The following SGCD variants were observed in gnomAD, a reference collection of about 807,000 sequenced individuals.
SGCD encodes the protein delta-sarcoglycan.
SGCD carries 18 observed loss-of-function variants against 36.6 expected under a neutral mutation model. The observed-to-expected ratio is 0.49, with a 90% CI of 0.34 to 0.73. SGCD has a LOEUF of 0.73. Ranked by LOEUF, SGCD falls within the 30% of genes least tolerant of loss-of-function variation. The pLI is 0.01. For synonymous variants in SGCD, 133 were observed against 130.6 expected (o/e 1.02, Z -0.12); for missense variants, 387 against 346.7 (o/e 1.12, Z -0.92).
At chr5:156,493,916 C>T (rs753808139) in intron 3 of SGCD, among the ~76,000 whole-genome samples, 10 of 152,150 alleles carry the variant, frequency 6.6e-5, no homozygotes, top group Non-Finnish European at 1.0e-4. Context: ...CTGCCTCTCA[C>T]GGCCTTCATC....
At chr5:156,671,881 T>A (rs762689446) in intron 7 of SGCD, among the ~76,000 whole-genome samples, 1 of 152,068 alleles carries the variant, frequency 6.6e-6, no homozygotes, top group Non-Finnish European at 1.5e-5. Flanking sequence ...AGCCAGCATG[T>A]CACATGGCAA....
At chr5:156,592,464 A>G (rs941462962) in intron 5 of SGCD, among the ~76,000 whole-genome samples, 2 of 152,158 alleles carry the variant, frequency 1.3e-5, no homozygotes, top group African/African-American at 4.8e-5. Flanking sequence ...CAAATCCCTC[A>G]TTGGACATCT....
At chr5:155,741,833 C>A in the SGCD span, among the ~76,000 whole-genome samples, 1 of 151,962 alleles carries the variant, frequency 6.6e-6, no homozygotes. Context: ...GCTGGGACTA[C>A]AGATGTGTGC....
the SGCD span, among the ~76,000 whole-genome samples, chr5:155,823,634 A>G: frequency 2.0e-5 from 3 of 152,172 alleles, no homozygotes; most frequent in East Asian, 1.9e-4. Flanking sequence ...CACAATGTGC[A>G]TTAGCATAGG....
chr5:156,103,855 A>C (rs1040022310), intron 1 of SGCD, among the ~76,000 whole-genome samples: 6 of 152,158 alleles, frequency 3.9e-5, no homozygotes, highest in African/African-American at 1.4e-4. Context: ...GTATAATTTA[A>C]ATCTCTCTTA....
chr5:156,176,837 C>T (rs1187459441), intron 3 of SGCD, among the ~76,000 whole-genome samples: 2 of 151,882 alleles, frequency 1.3e-5, no homozygotes, highest in Admixed American at 6.6e-5. Context: ...TTTTCTTTAT[C>T]TGCCTTCAGT....
intron 6 of SGCD, among the ~76,000 whole-genome samples, chr5:156,610,796 G>C (rs1202255878): frequency 6.6e-6 from 1 of 152,238 alleles, no homozygotes; most frequent in Non-Finnish European, 1.5e-5. Flanking sequence ...TCAGACTCCT[G>C]TGCTGGCAGT....
intron 1 of SGCD, among the ~76,000 whole-genome samples, chr5:156,010,093 G>C (rs1274496517): frequency 1.3e-5 from 2 of 152,130 alleles, no homozygotes; most frequent in African/African-American, 4.8e-5. Context: ...TAGACTCTAA[G>C]AGATTTAATT....
intron 1 of SGCD, among the ~76,000 whole-genome samples, chr5:155,976,439 G>T (rs181013524): frequency 2.0e-5 from 3 of 152,276 alleles, no homozygotes; most frequent in South Asian, 4.1e-4. Context: ...AGGATTCCAA[G>T]TTATGTATAA....
chr5:156,122,869 A>G (rs1762079597), intron 2 of SGCD, among the ~76,000 whole-genome samples: 1 of 119,988 alleles, frequency 8.3e-6, no homozygotes, highest in Non-Finnish European at 1.9e-5. Context: ...AAAAAAAAAA[A>G]AAAAAAAAAA....
At chr5:156,308,348 G>T (rs1767291220) in intron 3 of SGCD, among the ~76,000 whole-genome samples, 2 of 151,062 alleles carry the variant, frequency 1.3e-5, no homozygotes, top group Middle Eastern at 3.4e-3. Context: ...ACCCAGGCTG[G>T]ATTGCAGTGG....
chr5:155,909,468 C>T (rs186913551), intron 1 of SGCD, among the ~76,000 whole-genome samples: 3 of 152,142 alleles, frequency 2.0e-5, no homozygotes, highest in East Asian at 3.9e-4. Context: ...AGAGAGCATG[C>T]GCGGGTTATT....
intron 7 of SGCD, among the ~76,000 whole-genome samples, chr5:156,725,999 G>A (rs570534193): frequency 5.9e-5 from 9 of 152,134 alleles, no homozygotes; most frequent in East Asian, 1.9e-4. Flanking sequence ...GGATATTAAC[G>A]TTTCCTTTCT....
At chr5:156,190,514 A>C (rs1452697457) in intron 3 of SGCD, among the ~76,000 whole-genome samples, 1 of 152,200 alleles carries the variant, frequency 6.6e-6, no homozygotes, top group Non-Finnish European at 1.5e-5. Context: ...TACTTAGGGT[A>C]AATGAAAACT....
At chr5:155,902,744 T>A (rs560447425) in intron 1 of SGCD, among the ~76,000 whole-genome samples, 1 of 152,218 alleles carries the variant, frequency 6.6e-6, no homozygotes, top group Non-Finnish European at 1.5e-5. Flanking sequence ...ATAGTACATG[T>A]TCAATGAACA....
chr5:156,526,587 C>T (rs185343817), intron 4 of SGCD, among the ~76,000 whole-genome samples: 34 of 152,164 alleles, frequency 2.2e-4, no homozygotes, highest in African/African-American at 7.5e-4. Flanking sequence ...GGCCTCTTTG[C>T]GTTTCTTTGC....
intron 3 of SGCD, among the ~76,000 whole-genome samples, chr5:156,469,240 G>T (rs938520232): frequency 9.2e-5 from 14 of 151,944 alleles, no homozygotes; most frequent in Admixed American, 6.6e-4. Context: ...CATTTTTCTG[G>T]AGTTGAAGTC....
At chr5:156,680,742 A>G (rs900627774) in intron 7 of SGCD, among the ~76,000 whole-genome samples, 1 of 152,254 alleles carries the variant, frequency 6.6e-6, no homozygotes, top group African/African-American at 2.4e-5. Flanking sequence ...GTCTCAAGGC[A>G]GAGTCAAAAT....
chr5:156,432,183 A>G (rs1222127679), intron 3 of SGCD, among the ~76,000 whole-genome samples: 1 of 152,204 alleles, frequency 6.6e-6, no homozygotes, highest in African/African-American at 2.4e-5. Flanking sequence ...GGGGAGTGAC[A>G]TAGACTCTGT....
Sources: gnomAD v4.1 joint callset for allele counts (sites outside exome capture counted in the v4.1 genomes callset) on GRCh38, gnomAD v4.1.1 for gene constraint, MANE v1.5 for transcripts, NCBI Gene and HGNC (gene_info 2026-07-23, HGNC 2026-07-21) for gene names.